Variants in TMPRSS9 observed in about 807,000 individuals in gnomAD.
The protein encoded by TMPRSS9 is transmembrane protease serine 9.
A neutral mutation model predicts 111.4 loss-of-function variants in TMPRSS9; 113 were observed. The observed-to-expected ratio is 1.01, with a 90% confidence interval of 0.87 to 1.19. TMPRSS9 has a LOEUF of 1.19. Among genes scored for constraint, TMPRSS9 ranks in the 50% most tolerant of loss-of-function variants. TMPRSS9 has a pLI of 0.00. For synonymous variants in TMPRSS9, 805 were observed against 659.1 expected, an observed-to-expected ratio of 1.22 and a Z score of -3.39; for missense variants, 1,803 against 1,513.1, an observed-to-expected ratio of 1.19 and a Z score of -3.18.
At chr19:2,382,307 A>AT (rs58773202) in intron 1 of TMPRSS9, among the ~76,000 whole-genome samples, 68,770 of 151,708 alleles carry the variant, frequency 0.45, 16,399 homozygotes, top group East Asian at 0.6. Context: ...TAATTTTTTT[A>AT]TTTTGGTAGA....
At chr19:2,404,155 G>A (rs1970918227) in intron 6 of TMPRSS9, among the ~76,000 whole-genome samples, 1 of 152,146 alleles carries the variant, frequency 6.6e-6, no homozygotes, top group Non-Finnish European at 1.5e-5. Context: ...GGATAATAGA[G>A]TGAGACCTTG....
At chr19:2,416,634 GCAC>G (rs1273481902) in exon 12 of TMPRSS9, 7 of 1,612,694 alleles carry the variant, frequency 4.3e-6, no homozygotes, top group Non-Finnish European at 4.2e-6. Context: ...GGGTAGTGCT[GCAC>G]CCCCTCTACA....
chr19:2,397,076 A>C (rs1333018937), intron 2 of TMPRSS9, among the ~76,000 whole-genome samples: 1 of 150,576 alleles, frequency 6.6e-6, no homozygotes, highest in Admixed American at 6.6e-5. Flanking sequence ...GCACGCCACC[A>C]CGTCCAGCTG....
chr19:2,394,013 C>T (rs1430746011), intron 1 of TMPRSS9, among the ~76,000 whole-genome samples: 2 of 151,622 alleles, frequency 1.3e-5, no homozygotes, highest in Non-Finnish European at 2.9e-5. Flanking sequence ...CCATCCTGGC[C>T]AACATGATGA....
chr19:2,387,410 G>A (rs532669822), upstream of TMPRSS9, among the ~76,000 whole-genome samples: 16 of 152,152 alleles, frequency 1.1e-4, no homozygotes, highest in East Asian at 2.1e-3. Context: ...AAGGAGAATC[G>A]CTTGAACCTG....
At chr19:2,418,262 C>G in intron 13 of TMPRSS9, 124 bp downstream of exon 14, 1 of 1,124,398 alleles carries the variant, frequency 8.9e-7, no homozygotes, top group Non-Finnish European at 1.2e-6. Context: ...CTCCTTCCCT[C>G]CTTGTCCTTC....
intron 2 of TMPRSS9, among the ~76,000 whole-genome samples, chr19:2,397,351 C>T (rs1970731974): frequency 6.6e-6 from 1 of 151,512 alleles, no homozygotes; most frequent in Non-Finnish European, 1.5e-5. Flanking sequence ...AGTGCAGTGG[C>T]AGGATCATGG....
chr19:2,377,858 A>G (rs1282706952), intron 1 of TMPRSS9, among the ~76,000 whole-genome samples: 1 of 146,398 alleles, frequency 6.8e-6, no homozygotes. Context: ...GACTACAGAT[A>G]TGTGCCACTA....
upstream of TMPRSS9, among the ~76,000 whole-genome samples, chr19:2,384,770 G>T (rs901244117): frequency 7.0e-6 from 1 of 143,228 alleles, no homozygotes; most frequent in African/African-American, 2.6e-5. Flanking sequence ...AGCCAAGATC[G>T]CACCACCGCA....
intron 7 of TMPRSS9, among the ~76,000 whole-genome samples, chr19:2,407,198 C>G (rs1970985730): frequency 6.6e-6 from 1 of 151,984 alleles, no homozygotes; most frequent in Non-Finnish European, 1.5e-5. Flanking sequence ...CCAACTCTGT[C>G]TCATCCTGTC....
chr19:2,413,856 A>G, exon 10 of TMPRSS9: 2 of 1,613,680 alleles, frequency 1.2e-6, no homozygotes, highest in Non-Finnish European at 1.7e-6. Context: ...GGCCACCACC[A>G]AAGCCAGCAT....
intron 1 of TMPRSS9, among the ~76,000 whole-genome samples, chr19:2,378,756 A>T (rs1970357986): frequency 6.6e-6 from 1 of 152,166 alleles, no homozygotes; most frequent in Admixed American, 6.6e-5. Flanking sequence ...TTTATAAAAG[A>T]AAAAGAGTTT....
At chr19:2,372,975 G>A (rs1314515346) in intron 1 of TMPRSS9, among the ~76,000 whole-genome samples, 2 of 152,038 alleles carry the variant, frequency 1.3e-5, no homozygotes, top group Non-Finnish European at 2.9e-5. Flanking sequence ...GGAACCACAG[G>A]CGTGCACCAC....
intron 9 of TMPRSS9, among the ~76,000 whole-genome samples, chr19:2,411,847 C>T (rs139239126): frequency 3.9e-5 from 6 of 152,230 alleles, no homozygotes; most frequent in African/African-American, 4.8e-5. Flanking sequence ...CCACCAGGCC[C>T]GGCCGACAAT....
chr19:2,425,593 G>A, intron 17 of TMPRSS9, 100 bp downstream of exon 18: 2 of 1,387,120 alleles, frequency 1.4e-6, no homozygotes. Context: ...CCACCCTCCG[G>A]TGCAGGCTTC....
At chr19:2,420,076 T>A (rs1451684891) in intron 13 of TMPRSS9, among the ~76,000 whole-genome samples, 1 of 151,792 alleles carries the variant, frequency 6.6e-6, no homozygotes, top group Non-Finnish European at 1.5e-5. Context: ...ACTGGGAGGA[T>A]CTCTTGAGGC....
intron 6 of TMPRSS9, among the ~76,000 whole-genome samples, chr19:2,404,760 G>A (rs184382387): frequency 2.6e-5 from 4 of 151,546 alleles, no homozygotes; most frequent in South Asian, 2.1e-4. Context: ...GTGAAACCCC[G>A]GCTCTACTAA....
intron 1 of TMPRSS9, among the ~76,000 whole-genome samples, chr19:2,392,053 C>A (rs1441536829): frequency 6.6e-6 from 1 of 151,846 alleles, no homozygotes; most frequent in African/African-American, 2.4e-5. Context: ...GGAAGTCTTT[C>A]AAGAAGCACT....
chr19:2,372,163 T>C (rs1194397252), intron 1 of TMPRSS9, among the ~76,000 whole-genome samples: 3 of 152,158 alleles, frequency 2.0e-5, no homozygotes, highest in Non-Finnish European at 4.4e-5. Flanking sequence ...GCCCCTTCTT[T>C]TTTCTTCCCT....
Sources: gnomAD v4.1 joint callset for allele counts (sites outside exome capture counted in the v4.1 genomes callset) on GRCh38, gnomAD v4.1.1 for gene constraint, MANE v1.5 for transcripts, NCBI Gene and HGNC (gene_info 2026-07-23, HGNC 2026-07-21) for gene names.